MBNL2: variants seen among roughly 807,000 people sequenced by gnomAD.
MBNL2 encodes muscleblind like splicing regulator 2.
Under a neutral mutation model 41.9 loss-of-function variants are expected in MBNL2, and 17 were observed. The ratio of observed to expected loss-of-function variants is 0.41; its 90% confidence interval spans 0.28 to 0.61. MBNL2 has a LOEUF of 0.61. MBNL2 is among the 20% of genes least tolerant of loss of function. The pLI is 0.35. For missense variants in MBNL2, 336 were observed against 505.6 expected, an observed-to-expected ratio of 0.66 and a Z score of 3.22; for synonymous variants, 195 against 182.9, an observed-to-expected ratio of 1.07 and a Z score of -0.53.
chr13:97,193,165 T>C, the MBNL2 span, among the ~76,000 whole-genome samples: 24,274 of 152,140 alleles, frequency 0.16, 2,665 homozygotes, highest in African/African-American at 0.31. Flanking sequence ...AAGTCAGAAG[T>C]GAAGAAAAGA....
chr13:97,366,788 A>C lies in MBNL2; in HGVS notation c.1048+1617A>C. On this transcript the variant is annotated intron_variant, in intron 8 of 8. Coordinates refer to ENST00000679496, the MANE Select transcript of MBNL2 (RefSeq NM_001382683.1). This position sits in a 1 kb window ranked among gnomAD's most constrained non-coding sequence, Gnocchi z 4.7. Reference sequence around the variant, plus strand: ...TGCACTGTTTGTTTTCGTACCTAATATTGTGTAATTAACCTGACAGGCTTA... The same window carrying C: ...TGCACTGTTTGTTTTCGTACCTAATCTTGTGTAATTAACCTGACAGGCTTA... 3.5e-6 allele frequency: 2 copies of C among 566,134 alleles called. No homozygotes were observed. The highest frequency in any genetic ancestry group is 3.2e-6 in the Non-Finnish European group (1 of 315,966). 35.1% of individuals were successfully genotyped at this position (566,134 alleles called of 1,614,324 possible). A position where few individuals can be genotyped will look rare whatever the true frequency, so the allele number is the denominator to read the frequency against.
chr13:97,244,924 A>G (rs2045137457), intron 1 of MBNL2, among the ~76,000 whole-genome samples: 1 of 152,262 alleles, frequency 6.6e-6, no homozygotes, highest in Non-Finnish European at 1.5e-5. Flanking sequence ...GTACAGTTTT[A>G]TTCATTATAA....
intron 3 of MBNL2, 134 bp from the exon 4 acceptor site, chr13:97,342,882 T>C (rs1479392617): frequency 1.2e-5 from 7 of 567,338 alleles, no homozygotes; most frequent in Non-Finnish European, 2.2e-5. Context: ...TCATTTTTAT[T>C]ATAGGTCAGC....
the MBNL2 span, among the ~76,000 whole-genome samples, chr13:97,205,219 A>G: frequency 3.5e-5 from 5 of 141,238 alleles, 1 homozygote; most frequent in East Asian, 9.8e-4. Flanking sequence ...TTATATATTT[A>G]TATTAAAAAT....
chr13:97,233,813 G>A (rs925661169), intron 1 of MBNL2, among the ~76,000 whole-genome samples: 5 of 152,026 alleles, frequency 3.3e-5, no homozygotes, highest in Non-Finnish European at 4.4e-5. Flanking sequence ...CCCACAATGC[G>A]TGCTACTCTA....
chr13:97,294,820 T>G (rs1051551466), intron 2 of MBNL2, among the ~76,000 whole-genome samples: 4 of 152,234 alleles, frequency 2.6e-5, no homozygotes, highest in Non-Finnish European at 5.9e-5. Flanking sequence ...ACTCATAGAT[T>G]ACATTTCCCA....
At chr13:97,173,815 C>T in the MBNL2 span, among the ~76,000 whole-genome samples, 1 of 152,304 alleles carries the variant, frequency 6.6e-6, no homozygotes, top group South Asian at 2.1e-4. Flanking sequence ...CTATCTTTGC[C>T]TGGCTAATGT....
At chr13:97,369,037 G>C (rs1057269384) in intron 8 of MBNL2, among the ~76,000 whole-genome samples, 2 of 152,128 alleles carry the variant, frequency 1.3e-5, no homozygotes, top group East Asian at 3.8e-4. Flanking sequence ...TCTTGATGCA[G>C]GTCTGCTTGC....
the MBNL2 span, among the ~76,000 whole-genome samples, chr13:97,175,249 C>G: frequency 6.6e-6 from 1 of 152,148 alleles, no homozygotes; most frequent in Admixed American, 6.5e-5. Flanking sequence ...CTCACAGGTG[C>G]CAGACCTGCA....
chr13:97,218,440 C>CAAACAAAAA (rs1555302256), upstream of MBNL2, among the ~76,000 whole-genome samples: 130 of 117,966 alleles, frequency 1.1e-3, 3 homozygotes, highest in South Asian at 4.2e-3. Flanking sequence ...CAAAACAAAA[C>CAAACAAAAA]AAAAAAAAAA....
At chr13:97,279,784 G>A (rs370587850) in intron 2 of MBNL2, among the ~76,000 whole-genome samples, 14 of 152,178 alleles carry the variant, frequency 9.2e-5, no homozygotes, top group African/African-American at 3.1e-4. Flanking sequence ...AAACTTTTCC[G>A]TAAGTATGTA....
At chr13:97,249,535 C>T (rs117496004) in intron 1 of MBNL2, among the ~76,000 whole-genome samples, 461 of 152,290 alleles carry the variant, frequency 3.0e-3, no homozygotes, top group Non-Finnish European at 5.5e-3. Context: ...TGCTTAATGT[C>T]TGATGAAATG....
intron 1 of MBNL2, among the ~76,000 whole-genome samples, chr13:97,255,809 C>G (rs2047419749): frequency 6.6e-6 from 1 of 152,204 alleles, no homozygotes; most frequent in South Asian, 2.1e-4. Flanking sequence ...CATAATCTAC[C>G]TACTGACTTG....
intron 8 of MBNL2, among the ~76,000 whole-genome samples, chr13:97,372,026 G>T (rs114446758): frequency 6.6e-6 from 1 of 152,178 alleles, no homozygotes; most frequent in Admixed American, 6.5e-5. Context: ...CTGCTTAAAG[G>T]AAAGAGTCCC....
intron 2 of MBNL2, among the ~76,000 whole-genome samples, chr13:97,321,834 G>A (rs1368649810): frequency 6.6e-6 from 1 of 152,202 alleles, no homozygotes; most frequent in Non-Finnish European, 1.5e-5. Context: ...TGACTGCACA[G>A]ATCTGCCACT....
At chr13:97,235,444 T>C (rs539231997) in intron 1 of MBNL2, among the ~76,000 whole-genome samples, 1 of 152,284 alleles carries the variant, frequency 6.6e-6, no homozygotes, top group East Asian at 1.9e-4. Context: ...TTTGGAAACA[T>C]TGACGACCAA....
chr13:97,323,340 C>A (rs982278736), intron 2 of MBNL2, among the ~76,000 whole-genome samples: 1 of 152,118 alleles, frequency 6.6e-6, no homozygotes, highest in Non-Finnish European at 1.5e-5. Context: ...AAATAGAACC[C>A]AACATTTACT....
chr13:97,190,077 C>T, the MBNL2 span, among the ~76,000 whole-genome samples: 1 of 152,224 alleles, frequency 6.6e-6, no homozygotes, highest in Non-Finnish European at 1.5e-5. Flanking sequence ...GGCCACCTGC[C>T]GCAGTGGACC....
intron 1 of MBNL2, among the ~76,000 whole-genome samples, chr13:97,260,355 C>T (rs755250136): frequency 3.3e-5 from 5 of 152,188 alleles, no homozygotes; most frequent in Non-Finnish European, 5.9e-5. Flanking sequence ...TTGACAGTCC[C>T]GCTCTGTGAG....
Sources: gnomAD v4.1 joint callset for allele counts (sites outside exome capture counted in the v4.1 genomes callset) on GRCh38, gnomAD v4.1.1 for gene constraint, Gnocchi (gnomAD v3.1) non-coding constraint, MANE v1.5 for transcripts, NCBI Gene and HGNC (gene_info 2026-07-23, HGNC 2026-07-21) for gene names.